Variants in EMCN observed in about 807,000 individuals in gnomAD.
EMCN encodes the protein endomucin.
EMCN carries 37 observed loss-of-function variants against 38.4 expected under a neutral mutation model. The ratio of observed to expected loss-of-function variants is 0.96; its 90% confidence interval spans 0.74 to 1.27. EMCN has a LOEUF of 1.27. EMCN is among the 50% of genes most tolerant of loss of function. The pLI, the probability that EMCN is intolerant of heterozygous loss-of-function variation, is 0.00. For missense variants in EMCN, 318 were observed against 302.8 expected (o/e 1.05, Z -0.37); for synonymous variants, 95 against 100.8 (o/e 0.94, Z 0.35).
rs1207557485 is a variant in EMCN, at chr4:100,447,559, C to T, written c.389G>A (p.Ser130Asn). The change falls in exon 5 of 12, where the codon AGT becomes AAT. Residue 130 changes from serine to asparagine, a missense_variant. Ser to Asn is a conservative substitution (Grantham distance 46). Transcript: ENST00000296420. Reference protein sequence around the residue: ...QSSKPKTETQSSIKTTEIPGS... With the variant: ...QSSKPKTETQNSIKTTEIPGS... ...TGGTATTTCTGTTGTTTTAATTGAA[C>T]TCTGAGTTTCAGCTTTAGAAGGAAA... 6.2e-7 allele frequency: 1 copy of T among 1,601,522 alleles called. No homozygotes were observed. Among genetic ancestry groups the T allele is most frequent in the Non-Finnish European group, 8.5e-7 (1 of 1,170,058 alleles).
Position 100,434,383 on chromosome 4 carries a change from C to CAAAA in EMCN, c.416-10983_416-10980dup, listed in dbSNP as rs767318585. Among the ~76,000 whole-genome samples the CAAAA allele has an allele frequency of 7.5e-4, 53 of 70,622 alleles. 2 individuals are homozygous for CAAAA. The highest frequency in any genetic ancestry group is 8.3e-4 in the Non-Finnish European group (34 of 40,932). The allele number at this position is 70,622 out of a possible 152,430, so 46.3% of individuals were successfully genotyped here. On this transcript the variant is annotated intron_variant, in intron 5 of 11. Transcript: ENST00000296420. Reference sequence around the variant, plus strand: ...AGGCAGTAATAAATAGCCTACCAAGCAAAAAAAAAAAAAAAAAAAAGCCTG... The same window carrying CAAAA: ...AGGCAGTAATAAATAGCCTACCAAGCAAAAAAAAAAAAAAAAAAAAAAAAGCCTG...
At chr4:100,454,616 C>G (rs896255829) in intron 4 of EMCN, among the ~76,000 whole-genome samples, 1 of 152,114 alleles carries the variant, frequency 6.6e-6, no homozygotes, top group African/African-American at 2.4e-5. Flanking sequence ...TCTAAGTAAT[C>G]TAAACACAAA....
intron 5 of EMCN, among the ~76,000 whole-genome samples, chr4:100,441,437 A>T (rs1727514376): frequency 6.6e-6 from 1 of 152,098 alleles, no homozygotes; most frequent in Non-Finnish European, 1.5e-5. Flanking sequence ...ATATAGTTGG[A>T]TCTTGTTTTT....
rs545308944 is a variant in EMCN at position 100,493,625 on chromosome 4, A to G, written c.65-13586T>C. 2.6e-5 allele frequency among the ~76,000 whole-genome samples: 4 copies of G among 152,350 alleles called. No homozygotes were observed. In the South Asian group the frequency reaches 8.3e-4, roughly 32 times the overall value. ...TTCTATTCTGATTAAAAGTGTATGA[A>G]ATTTTAGAAATTGCAAAATATTTAG... On this transcript the variant is annotated intron_variant, in intron 1 of 11. Coordinates refer to ENST00000296420, the MANE Select transcript of EMCN (RefSeq NM_016242.4).
At chr4:100,413,863 A>C (rs1473483714) in intron 10 of EMCN, among the ~76,000 whole-genome samples, 1 of 152,194 alleles carries the variant, frequency 6.6e-6, no homozygotes, top group African/African-American at 2.4e-5. Context: ...TTATTTTTGA[A>C]GAAAAGGAAG....
At chr4:100,494,619 G>A (rs1015819095) in intron 1 of EMCN, among the ~76,000 whole-genome samples, 1 of 152,158 alleles carries the variant, frequency 6.6e-6, no homozygotes, top group East Asian at 1.9e-4. Context: ...CAAATTCCAA[G>A]ACACAGATGA....
chr4:100,473,365 G>GTTTTTTGTTTT (rs1728534057), intron 3 of EMCN, among the ~76,000 whole-genome samples: 1 of 29,840 alleles, frequency 3.4e-5, no homozygotes, highest in East Asian at 9.7e-4. Flanking sequence ...CCCGTTTCGT[G>GTTTTTTGTTTT]TTTTTTTGTT....
intron 8 of EMCN, 23 bp downstream of exon 8, chr4:100,421,259 C>T: frequency 6.3e-7 from 1 of 1,598,734 alleles, no homozygotes; most frequent in East Asian, 2.2e-5. Context: ...TTCAGGAAAA[C>T]AAAACAAAAC....
At chr4:100,454,541 G>A (rs553640090) in intron 4 of EMCN, among the ~76,000 whole-genome samples, 12 of 152,242 alleles carry the variant, frequency 7.9e-5, no homozygotes, top group African/African-American at 2.6e-4. Flanking sequence ...TGGAACCTGT[G>A]ATCTTATTTT....
At chr4:100,490,693 A>G (rs538328093) in intron 1 of EMCN, among the ~76,000 whole-genome samples, 1 of 152,294 alleles carries the variant, frequency 6.6e-6, no homozygotes, top group South Asian at 2.1e-4. Flanking sequence ...CTAGGTGTGT[A>G]GTAGGTTGTG....
Position 100,421,270 on chromosome 4 carries a change from A to AAAACC in EMCN, c.664+11_664+12insGGTTT. 6.2e-7 allele frequency: 1 copy of AAAACC among 1,609,270 alleles called. No individual in the cohort carries two copies. Among genetic ancestry groups the AAAACC allele is most frequent in the Non-Finnish European group, 8.5e-7 (1 of 1,176,176 alleles). The stretch of plus-strand genomic sequence containing the variant: ...TTCTTTCAGGAAAACAAAACAAAAC[A>AAAACC]CTGTTACCTACCCGGATCTGCCTTC... On this transcript the variant is annotated intron_variant, in intron 8 of 11. Transcript: ENST00000296420.
intron 4 of EMCN, among the ~76,000 whole-genome samples, chr4:100,451,299 T>C (rs1209574370): frequency 1.3e-5 from 2 of 151,844 alleles, no homozygotes; most frequent in African/African-American, 4.8e-5. Context: ...GCAACACTCA[T>C]GAAGTTGTGG....
chr4:100,512,557 C>A lies in EMCN; in HGVS notation c.64+5294G>T, dbSNP rs139440672. ...TGGTGGCTCATGCCTGTAATCCCAG[C>A]ATTTTGGGAGACCGAGGCAGGTGGA... is the stretch of plus-strand genomic sequence containing the variant. On this transcript the variant is annotated intron_variant, in intron 1 of 11. Coordinates refer to ENST00000296420, the MANE Select transcript of EMCN (RefSeq NM_016242.4). 1.6e-4 allele frequency among the ~76,000 whole-genome samples: 24 copies of A among 152,254 alleles called. No individual in the cohort carries two copies. The East Asian group carries it at 4.6e-3, about 29-fold the overall frequency.
chr4:100,495,413 T>A (rs1729184834), intron 1 of EMCN, among the ~76,000 whole-genome samples: 1 of 152,046 alleles, frequency 6.6e-6, no homozygotes, highest in Non-Finnish European at 1.5e-5. Context: ...AGCTATGGAA[T>A]AAGTACTTCA....
At chr4:100,403,187 G>A (rs1726304618) in intron 11 of EMCN, among the ~76,000 whole-genome samples, 1 of 152,040 alleles carries the variant, frequency 6.6e-6, no homozygotes, top group Non-Finnish European at 1.5e-5. Context: ...CATGTAATTG[G>A]CATAATACCA....
chr4:100,410,058 TAGAC>T (rs1277841842), intron 11 of EMCN, among the ~76,000 whole-genome samples: 3 of 152,200 alleles, frequency 2.0e-5, no homozygotes, highest in African/African-American at 7.2e-5. Flanking sequence ...TGTCATTCCT[TAGAC>T]AGGCAAGAGA....
intron 3 of EMCN, among the ~76,000 whole-genome samples, chr4:100,469,324 C>A (rs1728409351): frequency 6.6e-6 from 1 of 152,056 alleles, no homozygotes; most frequent in South Asian, 2.1e-4. Context: ...TTGGCCTCAG[C>A]AATTATTTCT....
At chr4:100,404,215 T>A (rs1726334422) in intron 11 of EMCN, among the ~76,000 whole-genome samples, 1 of 152,146 alleles carries the variant, frequency 6.6e-6, no homozygotes, top group Admixed American at 6.6e-5. Context: ...TCAATCCATC[T>A]TAGTTGATTT....
At chr4:100,414,229 T>C (rs1235572535) in intron 10 of EMCN, among the ~76,000 whole-genome samples, 4 of 152,080 alleles carry the variant, frequency 2.6e-5, no homozygotes, top group African/African-American at 4.8e-5. Flanking sequence ...GGAGTATGTG[T>C]GATGCCTGCT....
Sources: gnomAD v4.1 joint callset for allele counts (sites outside exome capture counted in the v4.1 genomes callset) on GRCh38, gnomAD v4.1.1 for gene constraint, MANE v1.5 for transcripts, NCBI Gene and HGNC (gene_info 2026-07-23, HGNC 2026-07-21) for gene names.